Variants in ABCC5 observed in about 807,000 individuals in gnomAD.
ABCC5 encodes ATP binding cassette subfamily C member 5.
ABCC5 carries 61 observed loss-of-function variants against 160.9 expected under a neutral mutation model. That is an observed-to-expected ratio of 0.38 (90% CI 0.31 to 0.47). The LOEUF is 0.47. Ranked by LOEUF, ABCC5 falls within the 20% of genes least tolerant of loss-of-function variation. The probability of loss-of-function intolerance (pLI) is 0.99; values close to 1 mark genes in which losing one functional copy is unlikely to be tolerated. For synonymous variants in ABCC5, 666 were observed against 700.6 expected (o/e 0.95, Z 0.78); for missense variants, 1,308 against 1,813.3 (o/e 0.72, Z 5.06).
Position 183,950,286 on chromosome 3 carries a change from AT to A in ABCC5, c.2945-162del, listed in dbSNP as rs4148588. On this transcript the variant is annotated intron_variant, in intron 20 of 29. Coordinates refer to ENST00000334444, the MANE Select transcript of ABCC5 (RefSeq NM_005688.4). ...AAAATTTAGAAACCTGGATGCTCTG[AT>A]TTTTTTTTTTCGTCTCAAGAAAATC... Among the ~76,000 whole-genome samples, 219 of 147,726 alleles carry A rather than the reference AT, an allele frequency of 1.5e-3. 1 individual carries two copies. Among genetic ancestry groups the A allele is most frequent in the African/African-American group, 4.2e-3 (169 of 40,510 alleles).
intron 26 of ABCC5, among the ~76,000 whole-genome samples, chr3:183,931,581 G>A (rs1421339420): frequency 2.0e-5 from 3 of 152,174 alleles, no homozygotes; most frequent in African/African-American, 4.8e-5. Flanking sequence ...TGATCCATCC[G>A]CCTTGGCTTC....
intron 25 of ABCC5, chr3:183,942,393 A>C: frequency 2.0e-6 from 1 of 493,524 alleles, no homozygotes; most frequent in Non-Finnish European, 4.0e-6. Flanking sequence ...CATTTTTGTA[A>C]ACCTACATAT....
intron 11 of ABCC5, among the ~76,000 whole-genome samples, chr3:183,968,314 T>C (rs1298159220): frequency 6.6e-6 from 1 of 152,074 alleles, no homozygotes; most frequent in Non-Finnish European, 1.5e-5. Flanking sequence ...TTCGCCATGT[T>C]GGTCACGCTC....
At chr3:183,944,174 C>T (rs1267159894) in intron 24 of ABCC5, among the ~76,000 whole-genome samples, 3 of 152,110 alleles carry the variant, frequency 2.0e-5, no homozygotes, top group Admixed American at 6.6e-5. Context: ...AGAGGCAGAT[C>T]GCTTGAGCCC....
chr3:183,949,617 A>T lies in ABCC5; in HGVS notation c.3227+136T>A. On this transcript the variant is annotated intron_variant, in intron 22 of 29. Coordinates refer to ENST00000334444, the MANE Select transcript of ABCC5 (RefSeq NM_005688.4). This position sits in a 1 kb window ranked among gnomAD's most constrained non-coding sequence, Gnocchi z 4.2. ...AGCAATTGGATTTTAATCAGAGATT[A>T]TTCCATTAAATCATGAATACCCTTG... The T allele has an allele frequency of 8.8e-7, 1 of 1,135,082 alleles. No homozygotes were observed. Among genetic ancestry groups the T allele is most frequent in the Non-Finnish European group, 1.2e-6 (1 of 818,694 alleles). 70.3% of individuals were successfully genotyped at this position (1,135,082 alleles called of 1,614,324 possible). A position where few individuals can be genotyped will look rare whatever the true frequency, so the allele number is the denominator to read the frequency against.
rs1241749660 is a variant in ABCC5, at chr3:183,967,681, A to G, written c.1833+14T>C. On this transcript the variant is annotated intron_variant, in intron 12 of 29. Coordinates refer to ENST00000334444, the MANE Select transcript of ABCC5 (RefSeq NM_005688.4). ...AGAGAAAGCAGCAGAAAAGGACAAT[A>G]ACAAAAATCTTACCTGGCCTAAAAT... is the stretch of plus-strand genomic sequence containing the variant. The G allele has an allele frequency of 6.2e-7, 1 of 1,608,136 alleles. No homozygotes were observed. Among genetic ancestry groups the G allele is most frequent in the Non-Finnish European group, 8.5e-7 (1 of 1,174,670 alleles).
At chr3:183,986,784 A>C (rs1185776512) in intron 5 of ABCC5, 2 of 152,196 alleles carry the variant, frequency 1.3e-5, no homozygotes. Context: ...ATTACATAAC[A>C]CAACATTTCA....
At chr3:183,985,763 C>G (rs1376209783) in intron 5 of ABCC5, 9 of 296,816 alleles carry the variant, frequency 3.0e-5, no homozygotes, top group Non-Finnish European at 5.3e-5. Context: ...CTATGACCCC[C>G]GGGCACCCTG....
At chr3:183,941,713 G>A (rs779617568) in intron 25 of ABCC5, among the ~76,000 whole-genome samples, 6 of 152,180 alleles carry the variant, frequency 3.9e-5, no homozygotes, top group Non-Finnish European at 2.9e-5. Context: ...GGCCGGGTGC[G>A]ATGGCTCACA....
intron 1 of ABCC5, among the ~76,000 whole-genome samples, chr3:184,016,673 TG>T (rs1486734324): frequency 6.6e-6 from 1 of 152,254 alleles, no homozygotes; most frequent in Non-Finnish European, 1.5e-5. Flanking sequence ...AAGGGATTTT[TG>T]TTTGTAAAAA....
Position 183,981,859 on chromosome 3 carries a change from G to A in ABCC5, c.1015C>T (p.Leu339Phe). 6.2e-7 allele frequency: 1 copy of A among 1,600,274 alleles called. No individual in the cohort carries two copies. The highest frequency in any genetic ancestry group is 1.3e-5 in the African/African-American group (1 of 74,116). ...FYPAMMFASR[L>F]TAYFRRKCVA... ...CATTTTCTCCTGAAATATGCTGTGA[G>A]CCGTGATGCAAACATCTGAAAGGAA... The change falls in exon 8 of 30, where the codon CTC becomes TTC. Residue 339 changes from leucine to phenylalanine, a missense_variant. This residue lies in a region of ABCC5 where 1,142 missense variants were observed against 1,527.1 expected (regional missense o/e 0.75). Coordinates refer to ENST00000334444, the MANE Select transcript of ABCC5 (RefSeq NM_005688.4).
chr3:183,930,437 T>C (rs1485419227), intron 26 of ABCC5, among the ~76,000 whole-genome samples: 1 of 152,226 alleles, frequency 6.6e-6, no homozygotes, highest in Non-Finnish European at 1.5e-5. Flanking sequence ...GTTTAATGGG[T>C]TGACCTGTGT....
rs1204984274 is a variant in ABCC5 at position 183,951,671 on chromosome 3, TG to T, written c.2815-102del. The stretch of plus-strand genomic sequence containing the variant: ...CACATCCACTCCCAAAGCGGGGAGG[TG>T]TGAGGGGTCAGGAGGGACAGGTGGC... On this transcript the variant is annotated intron_variant, in intron 19 of 29. Coordinates refer to ENST00000334444, the MANE Select transcript of ABCC5 (RefSeq NM_005688.4). The surrounding 1 kb of genome is among the most constrained non-coding windows in gnomAD (Gnocchi z 4.7). 9.2e-6 allele frequency: 14 copies of T among 1,528,934 alleles called. No individual in the cohort carries two copies. In the African/African-American group the frequency reaches 1.9e-4, roughly 21 times the overall value. 94.7% of individuals were successfully genotyped at this position (1,528,934 alleles called of 1,614,324 possible). A position where few individuals can be genotyped will look rare whatever the true frequency, so the allele number is the denominator to read the frequency against.
At chr3:183,992,241 A>G (rs779529052) in intron 2 of ABCC5, among the ~76,000 whole-genome samples, 2 of 152,198 alleles carry the variant, frequency 1.3e-5, no homozygotes, top group Non-Finnish European at 2.9e-5. Flanking sequence ...GGGCATGACA[A>G]TTTGTACCTA....
intron 11 of ABCC5, among the ~76,000 whole-genome samples, chr3:183,969,537 C>T (rs1034963105): frequency 6.6e-6 from 1 of 151,940 alleles, no homozygotes; most frequent in African/African-American, 2.4e-5. Context: ...ACTAAAAATA[C>T]AAAAATTAGC....
intron 2 of ABCC5, among the ~76,000 whole-genome samples, chr3:183,996,727 T>TA (rs1720318843): frequency 6.6e-6 from 1 of 152,188 alleles, no homozygotes; most frequent in African/African-American, 2.4e-5. Context: ...GAAATAGCAC[T>TA]AATCTCAGAA....
At position 183,990,161 on chromosome 3, in the gene ABCC5, T is replaced by C. The variant is rs1018601473; in HGVS notation, c.130-778A>G. 4.6e-5 allele frequency among the ~76,000 whole-genome samples: 7 copies of C among 152,138 alleles called. No homozygotes were observed. The South Asian group carries it at 1.5e-3, about 32-fold the overall frequency. ...TCTCGCTCTGTTGCCCAGGCCGGAG[T>C]GCAGTGGCATGATCTTGGATCACTG... On this transcript the variant is annotated intron_variant, in intron 2 of 29. Transcript: ENST00000334444.
At chr3:183,933,192 A>C (rs1335616921) in intron 26 of ABCC5, among the ~76,000 whole-genome samples, 2 of 148,398 alleles carry the variant, frequency 1.3e-5, no homozygotes, top group African/African-American at 5.1e-5. Flanking sequence ...AAAAAAATTT[A>C]ATGAGCAGAT....
chr3:184,012,183 A>T (rs553845880), intron 2 of ABCC5, among the ~76,000 whole-genome samples: 1 of 152,220 alleles, frequency 6.6e-6, no homozygotes, highest in South Asian at 2.1e-4. Context: ...AATATATAGG[A>T]TCTCTATATT....
Sources: allele counts gnomAD v4.1 joint callset (sites outside exome capture counted in the v4.1 genomes callset), GRCh38; gene constraint gnomAD v4.1.1; regional missense constraint gnomAD v4.1.1; non-coding constraint Gnocchi (gnomAD v3.1); transcripts MANE v1.5; gene names NCBI Gene and HGNC (gene_info 2026-07-23, HGNC 2026-07-21).